Variants in PHF14 observed in about 807,000 individuals in gnomAD.
The protein encoded by PHF14 is PHD finger protein 14.
In PHF14, 55 loss-of-function variants were observed where a neutral mutation model predicts 117.9. The observed-to-expected ratio is 0.47, with a 90% CI of 0.38 to 0.58. PHF14 has a LOEUF of 0.58. Among genes scored for constraint, PHF14 ranks in the 20% least tolerant of loss-of-function variants. PHF14 has a pLI of 0.00. For synonymous variants in PHF14, 409 were observed against 368.6 expected (o/e 1.11, Z -1.26); for missense variants, 978 against 1,122.2 (o/e 0.87, Z 1.84).
At chr7:11,063,353 C>G in intron 16 of PHF14, 1 of 983,218 alleles carries the variant, frequency 1.0e-6, no homozygotes. Flanking sequence ...ATAAATTTTG[C>G]AATATGTCGA....
chr7:10,980,264 A>G (rs1782006806), intron 2 of PHF14, among the ~76,000 whole-genome samples: 1 of 152,066 alleles, frequency 6.6e-6, no homozygotes, highest in Admixed American at 6.5e-5. Context: ...TCCAGAAGAA[A>G]AGTACCTTTT....
intron 17 of PHF14, among the ~76,000 whole-genome samples, chr7:11,141,159 G>A (rs1333138283): frequency 6.6e-6 from 1 of 152,024 alleles, no homozygotes; most frequent in African/African-American, 2.4e-5. Context: ...TATCAATCCA[G>A]TTACACCTTA....
chr7:11,068,573 G>T (rs532118987), intron 16 of PHF14, among the ~76,000 whole-genome samples: 3 of 152,116 alleles, frequency 2.0e-5, no homozygotes, highest in Non-Finnish European at 4.4e-5. Context: ...CAGAGTTTCA[G>T]CTGGGAAAGA....
intron 17 of PHF14, among the ~76,000 whole-genome samples, chr7:11,113,364 A>G (rs1313494928): frequency 6.6e-6 from 1 of 152,086 alleles, no homozygotes; most frequent in Non-Finnish European, 1.5e-5. Context: ...TTTCTTCTCT[A>G]CCACAGAATG....
At chr7:10,976,072 G>A (rs1781853102) in intron 2 of PHF14, among the ~76,000 whole-genome samples, 1 of 152,136 alleles carries the variant, frequency 6.6e-6, no homozygotes, top group African/African-American at 2.4e-5. Flanking sequence ...TAAAGAACTG[G>A]CATGAGGTCA....
intron 17 of PHF14, among the ~76,000 whole-genome samples, chr7:11,122,336 T>TAA (rs2128346242): frequency 2.3e-5 from 2 of 88,380 alleles, no homozygotes; most frequent in South Asian, 7.1e-4. Context: ...ACTTTTTATA[T>TAA]ATATATATAT....
intron 3 of PHF14, among the ~76,000 whole-genome samples, chr7:10,986,641 C>T (rs1782237430): frequency 6.6e-6 from 1 of 152,088 alleles, no homozygotes; most frequent in African/African-American, 2.4e-5. Flanking sequence ...TTAGTGCAGC[C>T]TGAAGAATCC....
At chr7:11,020,571 G>T (rs929105607) in intron 5 of PHF14, among the ~76,000 whole-genome samples, 24 of 152,014 alleles carry the variant, frequency 1.6e-4, no homozygotes, top group African/African-American at 5.6e-4. Flanking sequence ...TAGCGATGGG[G>T]TTTCACCATG....
chr7:11,032,444 T>G (rs1423484331), intron 7 of PHF14, among the ~76,000 whole-genome samples: 1 of 152,092 alleles, frequency 6.6e-6, no homozygotes, highest in Non-Finnish European at 1.5e-5. Flanking sequence ...GTGTCTTCTT[T>G]CAGTTTATAT....
intron 14 of PHF14, among the ~76,000 whole-genome samples, chr7:11,059,628 G>C (rs1364788067): frequency 6.6e-6 from 1 of 151,952 alleles, no homozygotes; most frequent in African/African-American, 2.4e-5. Flanking sequence ...GAAAAGATTA[G>C]CCAGGTGTGG....
At position 11,143,346 on chromosome 7, in the gene PHF14, C is replaced by G. The variant is rs568832835; in HGVS notation, c.2773-26070C>G. Among the ~76,000 whole-genome samples the G allele has an allele frequency of 4.6e-5, 7 of 152,006 alleles. No homozygotes were observed. The South Asian group carries it at 1.5e-3, about 32-fold the overall frequency. ...GTGTTGTCCAGGCTGATCTCAAGCCCCTGGGGTCAAGTGATTCTTCCGCCT... is the reference window on the plus strand; with the variant it reads ...GTGTTGTCCAGGCTGATCTCAAGCCGCTGGGGTCAAGTGATTCTTCCGCCT... On this transcript the variant is annotated intron_variant, in intron 17 of 17. Coordinates refer to ENST00000634607, the MANE Select transcript of PHF14 (RefSeq NM_001007157.2).
chr7:11,036,928 T>G, intron 9 of PHF14, 57 bp from the exon 10 acceptor site: 1 of 1,178,682 alleles, frequency 8.5e-7, no homozygotes. Context: ...AGCTAGTTTC[T>G]TCCTATGTCA....
intron 4 of PHF14, among the ~76,000 whole-genome samples, chr7:11,008,642 G>T (rs932224745): frequency 2.6e-5 from 4 of 152,112 alleles, no homozygotes; most frequent in African/African-American, 4.8e-5. Flanking sequence ...CCAGCCCCTG[G>T]TGCCAAAAAG....
intron 5 of PHF14, among the ~76,000 whole-genome samples, chr7:11,017,990 T>G (rs1405249477): frequency 6.6e-6 from 1 of 152,156 alleles, no homozygotes; most frequent in Non-Finnish European, 1.5e-5. Context: ...GGATATGCAG[T>G]TTTTCCAGCA....
In PHF14 at chr7:10,983,118, A is replaced by T. The variant is rs1369026943; in HGVS notation, c.859A>T (p.Thr287Ser). ...AAACAGTGCTGATGATGAGGAACTGACCAATGATAGCCTGACCCTATCTCA... is the reference window on the plus strand; with the variant it reads ...AAACAGTGCTGATGATGAGGAACTGTCCAATGATAGCCTGACCCTATCTCA... ...SRNSADDEEL[T>S]NDSLTLSQSK... The change falls in exon 3 of 18, where the codon ACC (threonine) becomes TCC (serine). Residue 287 changes from threonine (T) to serine (S), a missense_variant. Transcript: ENST00000634607. 6.3e-7 allele frequency: 1 copy of T among 1,599,056 alleles called. No homozygotes were observed. Among genetic ancestry groups the T allele is most frequent in the Non-Finnish European group, 8.5e-7 (1 of 1,179,440 alleles).
chr7:11,113,644 T>C (rs572740011), intron 17 of PHF14, among the ~76,000 whole-genome samples: 16 of 152,276 alleles, frequency 1.1e-4, no homozygotes, highest in South Asian at 4.1e-4. Context: ...TTTAATATAA[T>C]ATTTAAGCTG....
chr7:11,102,775 G>A (rs1038753342), intron 16 of PHF14: 12 of 1,366,490 alleles, frequency 8.8e-6, no homozygotes, highest in East Asian at 8.2e-5. Context: ...TGCTTTTTTT[G>A]CACTTATCAG....
intron 17 of PHF14, among the ~76,000 whole-genome samples, chr7:11,128,973 A>T (rs556301611): frequency 1.3e-5 from 2 of 151,870 alleles, no homozygotes; most frequent in South Asian, 4.2e-4. Flanking sequence ...TTGTCATGCT[A>T]TTGATCTTTT....
chr7:10,995,656 G>A (rs1209970921), intron 4 of PHF14, among the ~76,000 whole-genome samples: 1 of 152,204 alleles, frequency 6.6e-6, no homozygotes, highest in African/African-American at 2.4e-5. Flanking sequence ...GGGTGGGTAA[G>A]GCTCAGGCAT....
Sources: gnomAD v4.1 joint callset for allele counts (sites outside exome capture counted in the v4.1 genomes callset) on GRCh38, gnomAD v4.1.1 for gene constraint, MANE v1.5 for transcripts, NCBI Gene and HGNC (gene_info 2026-07-23, HGNC 2026-07-21) for gene names.